The following NEBL variants were observed in gnomAD, a reference collection of about 807,000 sequenced individuals.
NEBL encodes LIM and SH3 protein 2.
Under a neutral mutation model 140.2 loss-of-function variants are expected in NEBL, and 122 were observed. That is an observed-to-expected ratio of 0.87 (90% CI 0.75 to 1.01). The LOEUF is 1.01. Among genes scored for constraint, NEBL ranks in the 50% least tolerant of loss-of-function variants. The probability of loss-of-function intolerance (pLI) is 0.00; values close to 1 mark genes in which losing one functional copy is unlikely to be tolerated. For missense variants in NEBL, 1,365 were observed against 1,231.3 expected, an observed-to-expected ratio of 1.11 and a Z score of -1.62; for synonymous variants, 436 against 398.9, an observed-to-expected ratio of 1.09 and a Z score of -1.11.
chr10:21,271,389 G>A (rs748312578), intron 1 of NEBL, among the ~76,000 whole-genome samples: 8 of 152,152 alleles, frequency 5.3e-5, no homozygotes, highest in East Asian at 1.9e-4. Context: ...GAGGGCAGAC[G>A]AAATAAAGAT....
At chr10:20,860,275 C>G (rs1397312781) in intron 7 of NEBL, among the ~76,000 whole-genome samples, 1 of 151,982 alleles carries the variant, frequency 6.6e-6, no homozygotes, top group Admixed American at 6.5e-5. Flanking sequence ...CTCATCATTT[C>G]CTATACTTCA....
chr10:21,061,354 A>ATT (rs1316438737), intron 2 of NEBL, among the ~76,000 whole-genome samples: 42 of 148,378 alleles, frequency 2.8e-4, no homozygotes, highest in South Asian at 6.3e-4. Flanking sequence ...TATGTTACAT[A>ATT]ATATATGGGT....
At chr10:20,802,418 G>T (rs1333588074) in intron 26 of NEBL, among the ~76,000 whole-genome samples, 2 of 152,094 alleles carry the variant, frequency 1.3e-5, no homozygotes, top group Non-Finnish European at 2.9e-5. Context: ...AAATTGGGTA[G>T]AGGTTAAATA....
At chr10:21,099,354 G>A (rs995320221) in intron 2 of NEBL, among the ~76,000 whole-genome samples, 3 of 151,754 alleles carry the variant, frequency 2.0e-5, no homozygotes, top group Non-Finnish European at 2.9e-5. Context: ...CTCCTTTCGC[G>A]TCCTCCCCTG....
intron 1 of NEBL, among the ~76,000 whole-genome samples, chr10:21,285,285 G>C (rs550547102): frequency 1.3e-5 from 2 of 152,278 alleles, no homozygotes; most frequent in African/African-American, 4.8e-5. Context: ...GAAAAATCAA[G>C]CTGGGAGCTG....
chr10:20,902,856 T>C (rs1269157597), intron 4 of NEBL, among the ~76,000 whole-genome samples: 1 of 152,130 alleles, frequency 6.6e-6, no homozygotes, highest in East Asian at 1.9e-4. Flanking sequence ...CCACAGAGTG[T>C]CCCTTTCCTA....
intron 2 of NEBL, among the ~76,000 whole-genome samples, chr10:21,053,079 T>TTGTA (rs1323501193): frequency 6.6e-6 from 1 of 152,188 alleles, no homozygotes; most frequent in Non-Finnish European, 1.5e-5. Context: ...TCACTATACA[T>TTGTA]TGTATGTATG....
intron 18 of NEBL, 136 bp downstream of exon 18, chr10:20,826,311 A>T (rs893202749): frequency 2.7e-6 from 2 of 736,800 alleles, no homozygotes; most frequent in Middle Eastern, 3.8e-4. Flanking sequence ...TAGATCTTTG[A>T]TATATGATGA....
At chr10:21,098,211 C>T (rs927286579) in intron 2 of NEBL, among the ~76,000 whole-genome samples, 7 of 115,350 alleles carry the variant, frequency 6.1e-5, no homozygotes, top group Admixed American at 5.3e-4. Context: ...CATACACACA[C>T]ATTCTCACTC....
At chr10:21,259,003 A>G (rs1301446170) in intron 1 of NEBL, among the ~76,000 whole-genome samples, 3 of 152,120 alleles carry the variant, frequency 2.0e-5, no homozygotes, top group Non-Finnish European at 4.4e-5. Context: ...AGATGACGAA[A>G]GTGAAGGCTG....
At chr10:20,925,012 A>G (rs1272342778) in intron 4 of NEBL, among the ~76,000 whole-genome samples, 1 of 151,330 alleles carries the variant, frequency 6.6e-6, no homozygotes, top group African/African-American at 2.4e-5. Context: ...GAGTAATCCT[A>G]GAAAACTAAC....
intron 4 of NEBL, among the ~76,000 whole-genome samples, chr10:20,921,502 A>G (rs1833574867): frequency 6.6e-6 from 1 of 152,064 alleles, no homozygotes; most frequent in African/African-American, 2.4e-5. Flanking sequence ...TTCTCTGCCA[A>G]TAGCCTCATC....
intron 6 of NEBL, among the ~76,000 whole-genome samples, chr10:20,869,208 T>C (rs1303147372): frequency 6.6e-6 from 1 of 152,226 alleles, no homozygotes; most frequent in Non-Finnish European, 1.5e-5. Context: ...ATGAAAATTT[T>C]TGGTTCAAGT....
At chr10:21,048,110 C>G (rs986495454) in intron 2 of NEBL, among the ~76,000 whole-genome samples, 1 of 152,166 alleles carries the variant, frequency 6.6e-6, no homozygotes, top group Admixed American at 6.5e-5. Context: ...GGCAGCTTCA[C>G]CAGGAGGAAC....
At chr10:21,206,413 A>T (rs545216167) in intron 3 of NEBL, among the ~76,000 whole-genome samples, 1 of 152,322 alleles carries the variant, frequency 6.6e-6, no homozygotes, top group South Asian at 2.1e-4. Flanking sequence ...TTCCTTTTAC[A>T]TGCTTGTCAC....
At chr10:21,029,022 G>A (rs1833661505) in intron 2 of NEBL, 3 of 761,944 alleles carry the variant, frequency 3.9e-6, no homozygotes, top group Non-Finnish European at 6.4e-6. Flanking sequence ...CAAAAAAGAC[G>A]AATAAGAAGA....
At chr10:21,172,354 C>T (rs1318858892) in intron 2 of NEBL, 1 of 1,549,414 alleles carries the variant, frequency 6.5e-7, no homozygotes, top group Non-Finnish European at 8.9e-7. Context: ...GGCTGTGCCA[C>T]ACCTGGACAG....
At chr10:20,884,857 T>C (rs1846349225) in intron 4 of NEBL, among the ~76,000 whole-genome samples, 1 of 152,230 alleles carries the variant, frequency 6.6e-6, no homozygotes, top group Non-Finnish European at 1.5e-5. Context: ...CATGGTCCAG[T>C]TCATTTTCAG....
chr10:21,025,024 A>G (rs1347418767), intron 2 of NEBL, among the ~76,000 whole-genome samples: 1 of 152,220 alleles, frequency 6.6e-6, no homozygotes, highest in African/African-American at 2.4e-5. Flanking sequence ...AGAAATCTTA[A>G]GGAAAACAGA....
Sources: allele counts gnomAD v4.1 joint callset (sites outside exome capture counted in the v4.1 genomes callset), GRCh38; gene constraint gnomAD v4.1.1; transcripts MANE v1.5; gene names NCBI Gene and HGNC (gene_info 2026-07-23, HGNC 2026-07-21).